Variants in CHMP4A observed in about 807,000 individuals in gnomAD.
The protein encoded by CHMP4A is SNF7 homolog associated with Alix-2.
CHMP4A carries 29 observed loss-of-function variants against 28.2 expected under a neutral mutation model. That is an observed-to-expected ratio of 1.03 (90% CI 0.77 to 1.40). The LOEUF (loss-of-function observed/expected upper bound fraction) is 1.40, where lower values mean the gene tolerates loss of function less well. Among genes scored for constraint, CHMP4A ranks in the 40% most tolerant of loss-of-function variants. The pLI is 0.00. For synonymous variants in CHMP4A, 88 were observed against 99.3 expected, an observed-to-expected ratio of 0.89 and a Z score of 0.67; for missense variants, 241 against 263.5, an observed-to-expected ratio of 0.91 and a Z score of 0.59.
rs771963260 is a variant in CHMP4A, at chr14:24,213,361, C to T, written c.31+48G>A. 3.3e-6 allele frequency: 5 copies of T among 1,519,096 alleles called. No homozygotes were observed. The Admixed American group carries it at 6.9e-5, about 21-fold the overall frequency. The allele number at this position is 1,519,096 out of a possible 1,614,324, so 94.1% of individuals were successfully genotyped here. ...GAATCTCGCCGGGGTCTCCTCTTCCCCTGCACCAGCCAGCGCCTCCTGGCT... is the reference window on the plus strand; with the variant it reads ...GAATCTCGCCGGGGTCTCCTCTTCCTCTGCACCAGCCAGCGCCTCCTGGCT... On this transcript the variant is annotated intron_variant, in intron 1 of 5. Coordinates refer to ENST00000347519, the MANE Select transcript of CHMP4A (RefSeq NM_014169.5).
At position 24,211,396 on chromosome 14, in the gene CHMP4A, C is replaced by T. The variant is rs1291189675; in HGVS notation, c.359+19G>A. 1 of 1,584,662 alleles carries T rather than the reference C, an allele frequency of 6.3e-7. No homozygotes were observed. The highest frequency in any genetic ancestry group is 1.1e-5 in the South Asian group (1 of 89,694). On this transcript the variant is annotated intron_variant, in intron 3 of 5. Transcript: ENST00000347519. ...CTTCCCAGTGCCTGGGTCCCCTCCA[C>T]CCCTCCCCCCGTACCCACATGTCCT...
chr14:24,209,922 A>G lies in CHMP4A; in HGVS notation c.624T>C (p.Asp208=). ...ACTGCTTTAGTGCTTCTTCATCTTC[A>G]TCCACTTTGGGAGCTTTGAGGACAA... ...HLPAGPAPKV[D]EDEEALKQLA... The change falls in exon 6 of 6, where the codon GAT becomes GAC. Residue 208 remains aspartate, a synonymous_variant. Transcript: ENST00000347519. 6.2e-7 allele frequency: 1 copy of G among 1,614,110 alleles called. No homozygotes were observed. Among genetic ancestry groups the G allele is most frequent in the Non-Finnish European group, 8.5e-7 (1 of 1,179,974 alleles).
In CHMP4A at chr14:24,210,345, T is replaced by G; in HGVS notation, c.610+3A>C. The G allele has an allele frequency of 6.2e-7, 1 of 1,613,782 alleles. No individual in the cohort carries two copies. The highest frequency in any genetic ancestry group is 1.1e-5 in the South Asian group (1 of 91,052). On this transcript the variant is annotated splice_donor_region_variant and intron_variant, in intron 5 of 5. Coordinates refer to ENST00000347519, the MANE Select transcript of CHMP4A (RefSeq NM_014169.5). The stretch of plus-strand genomic sequence containing the variant: ...CTCAAGACAACAGAACAACCCTGCA[T>G]ACCTGGCCCTGCCGGCAGATGAGTA...
chr14:24,211,643 A>T (rs1427661043), intron 2 of CHMP4A, 37 bp downstream of exon 2: 5 of 1,611,828 alleles, frequency 3.1e-6, no homozygotes, highest in Non-Finnish European at 3.4e-6. Context: ...CCTGCTTCCC[A>T]TCTGGGCCCT....
At chr14:24,210,029 G>C in intron 5 of CHMP4A, 94 bp from the exon 6 acceptor site, 1 of 1,198,284 alleles carries the variant, frequency 8.3e-7, no homozygotes. Flanking sequence ...AGAGCCTGCT[G>C]AATTCTGTCT....
At chr14:24,211,394 C>T in intron 3 of CHMP4A, 21 bp downstream of exon 3, 1 of 1,583,608 alleles carries the variant, frequency 6.3e-7, no homozygotes, top group East Asian at 2.3e-5. Flanking sequence ...GGGTCCCCTC[C>T]ACCCCTCCCC....
intron 1 of CHMP4A, 65 bp downstream of exon 1, chr14:24,213,344 C>T: frequency 4.8e-6 from 7 of 1,464,436 alleles, no homozygotes; most frequent in Non-Finnish European, 6.3e-6. Context: ...CCGAATCTCG[C>T]CGGGGTCTCC....
intron 5 of CHMP4A, 37 bp from the exon 6 acceptor site, chr14:24,209,972 A>G: frequency 1.9e-6 from 3 of 1,590,624 alleles, no homozygotes; most frequent in Non-Finnish European, 2.6e-6. Flanking sequence ...AAGAAAGGAG[A>G]AGCAGTAAGG....
chr14:24,213,477 C>T lies in CHMP4A; in HGVS notation c.-38G>A. ...TCTCCCGCCTCCGCCCCTCAGCGTC[C>T]TCCAGACTTCCGCCTTGCTCCTGGG... On this transcript the variant is annotated 5_prime_UTR_variant, in exon 1 of 6. Coordinates refer to ENST00000347519, the MANE Select transcript of CHMP4A (RefSeq NM_014169.5). 3.1e-6 allele frequency: 5 copies of T among 1,613,558 alleles called. No homozygotes were observed. The highest frequency in any genetic ancestry group is 4.2e-6 in the Non-Finnish European group (5 of 1,179,840).
Position 24,209,941 on chromosome 14 carries a change from A to C in CHMP4A, c.611-6T>G, listed in dbSNP as rs1267570578. 1 of 1,613,700 alleles carries C rather than the reference A, an allele frequency of 6.2e-7. No individual in the cohort carries two copies. Among genetic ancestry groups the C allele is most frequent in the East Asian group, 2.2e-5 (1 of 44,878 alleles). On this transcript the variant is annotated splice_polypyrimidine_tract_variant and splice_region_variant and intron_variant, in intron 5 of 5. Transcript: ENST00000347519. ...ATCTTCATCCACTTTGGGAGCTTTG[A>C]GGACAAAGATACCCAGAGAAAAGAA...
chr14:24,213,321 C>A lies in CHMP4A; in HGVS notation c.31+88G>T, dbSNP rs75958407. 626 of 1,405,478 alleles carry A rather than the reference C, an allele frequency of 4.5e-4. 5 individuals are homozygous for A. The East Asian group carries it at 0.014, about 32-fold the overall frequency. The allele number at this position is 1,405,478 out of a possible 1,614,324, so 87.1% of individuals were successfully genotyped here. A position where few individuals can be genotyped will look rare whatever the true frequency, so the allele number is the denominator to read the frequency against. On this transcript the variant is annotated intron_variant, in intron 1 of 5. Transcript: ENST00000347519. ...CTCCTGATTCTCTTCCCCTGCCCGG[C>A]GCAGCGGTCCGGCCGAATCTCGCCG...
At chr14:24,213,322 GC>G in intron 1 of CHMP4A, 86 bp downstream of exon 1, 1 of 1,403,870 alleles carries the variant, frequency 7.1e-7, no homozygotes, top group Non-Finnish European at 9.3e-7. Flanking sequence ...CCTGCCCGGC[GC>G]AGCGGTCCGG....
intron 5 of CHMP4A, 137 bp downstream of exon 5, chr14:24,210,211 G>T: frequency 8.4e-7 from 1 of 1,196,096 alleles, no homozygotes; most frequent in Non-Finnish European, 1.2e-6. Context: ...GTGCCTATAT[G>T]CAGTCAACAA....
At chr14:24,213,344 C>G in intron 1 of CHMP4A, 65 bp downstream of exon 1, 1 of 1,464,436 alleles carries the variant, frequency 6.8e-7, no homozygotes, top group Admixed American at 2.6e-5. Context: ...CCGAATCTCG[C>G]CGGGGTCTCC....
intron 4 of CHMP4A, 67 bp downstream of exon 4, chr14:24,210,587 C>G: frequency 6.3e-7 from 1 of 1,595,086 alleles, no homozygotes; most frequent in Admixed American, 1.7e-5. Flanking sequence ...AAGAGCCTCT[C>G]TTGGGTGTTC....
rs775458110 is a variant in CHMP4A, at chr14:24,209,939, T to A, written c.611-4A>T. On this transcript the variant is annotated splice_polypyrimidine_tract_variant and splice_region_variant and intron_variant, in intron 5 of 5. Coordinates refer to ENST00000347519, the MANE Select transcript of CHMP4A (RefSeq NM_014169.5). ...TCATCTTCATCCACTTTGGGAGCTT[T>A]GAGGACAAAGATACCCAGAGAAAAG... The A allele has an allele frequency of 6.2e-7, 1 of 1,613,892 alleles. No homozygotes were observed. The highest frequency in any genetic ancestry group is 8.5e-7 in the Non-Finnish European group (1 of 1,179,814).
chr14:24,212,090 CT>C (rs1441861279), intron 1 of CHMP4A: 2 of 336,052 alleles, frequency 6.0e-6, no homozygotes, highest in South Asian at 6.7e-5. Context: ...CTATTCCTAG[CT>C]GCCTTTCTTT....
Position 24,209,924 on chromosome 14 carries a change from C to G in CHMP4A, c.622G>C (p.Asp208His), listed in dbSNP as rs748457977. ...TGCTTTAGTGCTTCTTCATCTTCAT[C>G]CACTTTGGGAGCTTTGAGGACAAAG... ...HLPAGPAPKV[D>H]EDEEALKQLA... Residue 208 changes from aspartate to histidine, a missense_variant, in exon 6 of 6, where the codon GAT becomes CAT. Coordinates refer to ENST00000347519, the MANE Select transcript of CHMP4A (RefSeq NM_014169.5). 9 of 1,614,056 alleles carry G rather than the reference C, an allele frequency of 5.6e-6. No individual in the cohort carries two copies. Among genetic ancestry groups the G allele is most frequent in the Non-Finnish European group, 7.6e-6 (9 of 1,179,954 alleles).
At chr14:24,212,145 A>C in intron 1 of CHMP4A, 1 of 220,154 alleles carries the variant, frequency 4.5e-6, no homozygotes, top group African/African-American at 2.3e-5. Context: ...CCAGGCTGGA[A>C]CGCAATGGCG....
Sources: gnomAD v4.1 joint callset for allele counts on GRCh38, gnomAD v4.1.1 for gene constraint, MANE v1.5 for transcripts, NCBI Gene and HGNC (gene_info 2026-07-23, HGNC 2026-07-21) for gene names.